Variants in MAD1L1 observed in about 807,000 individuals in gnomAD.
MAD1L1 encodes mitotic arrest deficient 1 like 1, also known as mitotic spindle assembly checkpoint protein MAD1.
MAD1L1 carries 95 observed loss-of-function variants against 96.9 expected under a neutral mutation model. The observed-to-expected ratio is 0.98, with a 90% CI of 0.83 to 1.16. MAD1L1 has a LOEUF of 1.16. Among genes scored for constraint, MAD1L1 ranks in the 50% most tolerant of loss-of-function variants. The pLI is 0.00. For missense variants in MAD1L1, 1,007 were observed against 954.4 expected, an observed-to-expected ratio of 1.06 and a Z score of -0.73; for synonymous variants, 473 against 396.6, an observed-to-expected ratio of 1.19 and a Z score of -2.29.
chr7:2,118,521 G>T (rs1787825900), intron 11 of MAD1L1, among the ~76,000 whole-genome samples: 1 of 152,232 alleles, frequency 6.6e-6, no homozygotes, highest in South Asian at 2.1e-4. Flanking sequence ...CATGAACGCG[G>T]CAAGATACAC....
intron 16 of MAD1L1, among the ~76,000 whole-genome samples, chr7:1,939,724 C>T (rs114696480): frequency 7.9e-5 from 12 of 152,336 alleles, no homozygotes; most frequent in Admixed American, 2.0e-4. Flanking sequence ...CAGGAGAGGC[C>T]GGTGTGGACA....
At chr7:2,069,450 C>G (rs766322696) in intron 11 of MAD1L1, 112 bp from the exon 12 acceptor site, 2 of 1,033,918 alleles carry the variant, frequency 1.9e-6, no homozygotes, top group South Asian at 1.8e-5. Context: ...TAGAGCTGCA[C>G]GTGCAACCCC....
intron 15 of MAD1L1, among the ~76,000 whole-genome samples, chr7:1,975,873 G>A (rs1780613221): frequency 6.6e-6 from 1 of 152,164 alleles, no homozygotes; most frequent in Non-Finnish European, 1.5e-5. Context: ...TGACTAGCAG[G>A]CACTGGCACA....
At chr7:2,061,007 A>G (rs1183255495) in intron 12 of MAD1L1, among the ~76,000 whole-genome samples, 1 of 152,246 alleles carries the variant, frequency 6.6e-6, no homozygotes, top group African/African-American at 2.4e-5. Flanking sequence ...CATCCAGAGT[A>G]AAGAACTACA....
At chr7:2,081,983 G>A (rs1351448450) in intron 11 of MAD1L1, among the ~76,000 whole-genome samples, 1 of 152,244 alleles carries the variant, frequency 6.6e-6, no homozygotes, top group Non-Finnish European at 1.5e-5. Context: ...TCTGATCATG[G>A]AGATTAGGAG....
chr7:1,936,701 G>A lies in MAD1L1; in HGVS notation c.1793C>T (p.Ser598Phe). 1 of 1,554,428 alleles carries A rather than the reference G, an allele frequency of 6.4e-7. No homozygotes were observed. Residue 598 changes from serine to phenylalanine, a missense_variant, in exon 17 of 19, where the codon TCC becomes TTC. Coordinates refer to ENST00000265854, the MANE Select transcript of MAD1L1 (RefSeq NM_001013836.2). Reference protein sequence around the residue: ...LEAAAASLPSSKEVAELKKQV... With the variant: ...LEAAAASLPSFKEVAELKKQV... ...GGGGTGCCTACCTGCCACCTCCTTG[G>A]ACGATGGCAGACTCGCGGCGGCAGC...
chr7:2,014,152 C>A (rs902557819), intron 13 of MAD1L1, among the ~76,000 whole-genome samples: 2 of 152,234 alleles, frequency 1.3e-5, no homozygotes, highest in African/African-American at 4.8e-5. Context: ...GAGACCAGGT[C>A]TCCTTGGCAG....
rs185757736 is a variant in MAD1L1, at chr7:1,822,676, G to C, written c.1999-6448C>G. Reference sequence around the variant, plus strand: ...TGGGCTCAAGCGATCCTTTTGCCTTGGCTTCCCCAAGTGTTGGGATTACAG... The same window carrying C: ...TGGGCTCAAGCGATCCTTTTGCCTTCGCTTCCCCAAGTGTTGGGATTACAG... On this transcript the variant is annotated intron_variant, in intron 18 of 18. Transcript: ENST00000265854. 6.3e-3 allele frequency among the ~76,000 whole-genome samples: 947 copies of C among 151,214 alleles called. 12 individuals are homozygous for C. Among genetic ancestry groups the C allele is most frequent in the African/African-American group, 0.021 (877 of 41,194 alleles).
chr7:1,997,840 G>T (rs951618582), intron 14 of MAD1L1, among the ~76,000 whole-genome samples: 4 of 152,212 alleles, frequency 2.6e-5, no homozygotes, highest in African/African-American at 7.2e-5. Context: ...GCTTTGCATG[G>T]CAAGAGGGGC....
intron 16 of MAD1L1, among the ~76,000 whole-genome samples, chr7:1,948,379 C>G (rs1358244473): frequency 6.6e-6 from 1 of 152,018 alleles, no homozygotes; most frequent in Non-Finnish European, 1.5e-5. Flanking sequence ...TGCCCAGAGG[C>G]TAAGCGAGGG....
intron 11 of MAD1L1, among the ~76,000 whole-genome samples, chr7:2,101,694 C>T (rs558787201): frequency 2.0e-5 from 3 of 152,340 alleles, no homozygotes; most frequent in East Asian, 1.9e-4. Flanking sequence ...GACGCTTCTT[C>T]CCTCAACTTA....
At chr7:2,204,784 T>G (rs769199303) in intron 10 of MAD1L1, among the ~76,000 whole-genome samples, 1 of 152,228 alleles carries the variant, frequency 6.6e-6, no homozygotes, top group Non-Finnish European at 1.5e-5. Context: ...CATTTTCTCT[T>G]GGGTTTCTCT....
At chr7:1,956,521 C>T (rs1335655711) in intron 16 of MAD1L1, among the ~76,000 whole-genome samples, 2 of 152,234 alleles carry the variant, frequency 1.3e-5, no homozygotes, top group Non-Finnish European at 2.9e-5. Context: ...CAAATGGCCA[C>T]ACTGGCCACA....
intron 12 of MAD1L1, among the ~76,000 whole-genome samples, chr7:2,053,303 G>A (rs1207502523): frequency 3.3e-5 from 5 of 152,172 alleles, no homozygotes; most frequent in East Asian, 1.9e-4. Context: ...TCCTCCGGGC[G>A]GGGGCAGAGC....
chr7:2,011,142 C>A (rs776232308), intron 13 of MAD1L1, among the ~76,000 whole-genome samples: 21 of 152,074 alleles, frequency 1.4e-4, no homozygotes, highest in Non-Finnish European at 2.4e-4. Context: ...CCCCACCCCC[C>A]GACCGTGAGG....
At chr7:2,108,341 G>A (rs1321788573) in intron 11 of MAD1L1, among the ~76,000 whole-genome samples, 8 of 152,304 alleles carry the variant, frequency 5.3e-5, no homozygotes, top group South Asian at 2.1e-4. Flanking sequence ...TCATTCATCC[G>A]CGTCAGAATC....
intron 11 of MAD1L1, among the ~76,000 whole-genome samples, chr7:2,086,001 T>C (rs1244737145): frequency 1.3e-5 from 2 of 152,126 alleles, no homozygotes; most frequent in Non-Finnish European, 2.9e-5. Context: ...TGGAGGATGG[T>C]GAGACCCATC....
chr7:2,201,197 TG>T (rs1385981807), intron 10 of MAD1L1, among the ~76,000 whole-genome samples: 1 of 113,700 alleles, frequency 8.8e-6, no homozygotes, highest in African/African-American at 2.8e-5. Flanking sequence ...ATGGCACTGC[TG>T]GGAAGTCCTC....
At chr7:1,973,616 C>T (rs544602448) in intron 15 of MAD1L1, among the ~76,000 whole-genome samples, 20 of 152,080 alleles carry the variant, frequency 1.3e-4, no homozygotes, top group African/African-American at 3.6e-4. Context: ...CAGGGGGGTG[C>T]GAGCTGGGCC....
Sources: gnomAD v4.1 joint callset for allele counts (sites outside exome capture counted in the v4.1 genomes callset) on GRCh38, gnomAD v4.1.1 for gene constraint, MANE v1.5 for transcripts, NCBI Gene and HGNC (gene_info 2026-07-23, HGNC 2026-07-21) for gene names.